The following CHCHD3 variants were observed in gnomAD, a reference collection of about 807,000 sequenced individuals.
CHCHD3 encodes the protein coiled-coil-helix-coiled-coil-helix domain containing 3.
CHCHD3 carries 20 observed loss-of-function variants against 38.2 expected under a neutral mutation model. That is an observed-to-expected ratio of 0.52 (90% CI 0.37 to 0.76). The LOEUF is 0.76. Ranked by LOEUF, CHCHD3 falls within the 30% of genes least tolerant of loss-of-function variation. The pLI is 0.00. For synonymous variants in CHCHD3, 82 were observed against 100.0 expected, an observed-to-expected ratio of 0.82 and a Z score of 1.07; for missense variants, 245 against 279.2, an observed-to-expected ratio of 0.88 and a Z score of 0.87.
At chr7:133,014,329 C>CA (rs35895641) in intron 3 of CHCHD3, among the ~76,000 whole-genome samples, 40,187 of 121,272 alleles carry the variant, frequency 0.33, 5,592 homozygotes, top group South Asian at 0.44. Flanking sequence ...GGGGATAACT[C>CA]AAAAAAAAAA....
chr7:133,023,782 G>T (rs569353981), intron 3 of CHCHD3, among the ~76,000 whole-genome samples: 12 of 151,948 alleles, frequency 7.9e-5, no homozygotes, highest in Admixed American at 7.9e-4. Context: ...TGGATAGCTC[G>T]TCAACATCTT....
At chr7:132,830,883 T>A (rs889072475) in intron 6 of CHCHD3, 2 of 152,170 alleles carry the variant, frequency 1.3e-5, no homozygotes, top group African/African-American at 2.4e-5. Flanking sequence ...TCTAGAATTT[T>A]GCCTCTTCAA....
intron 4 of CHCHD3, among the ~76,000 whole-genome samples, chr7:132,919,774 T>C (rs1810212224): frequency 6.6e-6 from 1 of 152,146 alleles, no homozygotes; most frequent in African/African-American, 2.4e-5. Context: ...ACTGTGCTCC[T>C]TGGGACCCAA....
At chr7:132,850,437 GGTTTTTTTTTTT>G (rs1562884923) in intron 5 of CHCHD3, among the ~76,000 whole-genome samples, 2 of 76,420 alleles carry the variant, frequency 2.6e-5, no homozygotes, top group East Asian at 5.3e-4. Flanking sequence ...TAGAGTCTCA[GGTTTTTTTTTTT>G]GTTTTTTTTT....
intron 4 of CHCHD3, among the ~76,000 whole-genome samples, chr7:132,955,486 T>A (rs191723784): frequency 3.9e-5 from 6 of 152,156 alleles, no homozygotes; most frequent in African/African-American, 1.4e-4. Flanking sequence ...TCCAGATGTT[T>A]GGTCAAACAC....
At chr7:132,869,821 G>A (rs1585589000) in intron 5 of CHCHD3, among the ~76,000 whole-genome samples, 1 of 151,908 alleles carries the variant, frequency 6.6e-6, no homozygotes, top group African/African-American at 2.4e-5. Context: ...TGGGCTCAGC[G>A]AGCCTCCTGC....
intron 7 of CHCHD3, among the ~76,000 whole-genome samples, 181 bp downstream of exon 7, chr7:132,796,260 CT>C (rs1469889005): frequency 3.3e-5 from 5 of 152,164 alleles, no homozygotes; most frequent in Non-Finnish European, 7.3e-5. Context: ...GATATGGGCT[CT>C]TTGACAATGA....
At chr7:132,928,525 C>T (rs1457638843) in intron 4 of CHCHD3, among the ~76,000 whole-genome samples, 2 of 151,888 alleles carry the variant, frequency 1.3e-5, no homozygotes, top group African/African-American at 4.8e-5. Context: ...AGTGAAACCC[C>T]ATCTCTACTA....
chr7:132,941,773 G>A (rs995936911), intron 4 of CHCHD3, among the ~76,000 whole-genome samples: 6 of 152,094 alleles, frequency 3.9e-5, no homozygotes, highest in South Asian at 2.1e-4. Flanking sequence ...AGCACAGGAC[G>A]GGATGGGAGA....
intron 2 of CHCHD3, among the ~76,000 whole-genome samples, chr7:133,044,877 G>C (rs1042556184): frequency 6.6e-6 from 1 of 152,246 alleles, no homozygotes; most frequent in Admixed American, 6.5e-5. Context: ...GAGGCTGACA[G>C]CAGGGCTGAG....
Position 133,077,451 on chromosome 7 carries a change from A to T in CHCHD3, c.81+4406T>A, listed in dbSNP as rs887431478. ...TTCCATATTAAGTATCCATACTGCC[A>T]TAACTGGCTCCTGTGAATTTCAGCT... On this transcript the variant is annotated intron_variant, in intron 1 of 7. Coordinates refer to ENST00000262570, the MANE Select transcript of CHCHD3 (RefSeq NM_017812.4). Among the ~76,000 whole-genome samples the T allele has an allele frequency of 4.6e-5, 7 of 152,242 alleles. 1 individual carries two copies. The highest frequency in any genetic ancestry group is 1.7e-4 in the African/African-American group (7 of 41,464).
intron 3 of CHCHD3, among the ~76,000 whole-genome samples, chr7:133,006,130 C>G (rs1177005614): frequency 6.6e-6 from 1 of 152,094 alleles, no homozygotes; most frequent in Non-Finnish European, 1.5e-5. Flanking sequence ...AGTACTAACA[C>G]AAAAAGACTA....
At chr7:132,923,990 C>T (rs972032889) in intron 4 of CHCHD3, among the ~76,000 whole-genome samples, 64 of 152,190 alleles carry the variant, frequency 4.2e-4, no homozygotes, top group African/African-American at 1.5e-3. Context: ...TTGTAGACAA[C>T]AGTAATAAAC....
chr7:132,911,435 C>T (rs1433974558), intron 4 of CHCHD3, among the ~76,000 whole-genome samples: 1 of 152,166 alleles, frequency 6.6e-6, no homozygotes, highest in Non-Finnish European at 1.5e-5. Context: ...TTCCCAGCAA[C>T]CACCAGAATG....
intron 4 of CHCHD3, chr7:132,972,393 G>T: frequency 6.0e-6 from 1 of 166,858 alleles, no homozygotes; most frequent in Non-Finnish European, 1.2e-5. Context: ...AAAATCAAAT[G>T]TTTTATACCA....
chr7:132,984,136 C>T (rs1231545813), intron 3 of CHCHD3, among the ~76,000 whole-genome samples: 2 of 151,716 alleles, frequency 1.3e-5, no homozygotes, highest in African/African-American at 2.4e-5. Flanking sequence ...TGTACTGCTG[C>T]CATCTCGGCT....
chr7:132,896,676 T>C (rs1240495861), intron 4 of CHCHD3, among the ~76,000 whole-genome samples: 2 of 152,202 alleles, frequency 1.3e-5, no homozygotes, highest in Non-Finnish European at 2.9e-5. Flanking sequence ...CTAATGACAA[T>C]GGCTTCAGCT....
At chr7:132,947,689 T>G (rs571780164) in intron 4 of CHCHD3, among the ~76,000 whole-genome samples, 35 of 152,110 alleles carry the variant, frequency 2.3e-4, no homozygotes, top group Non-Finnish European at 4.7e-4. Flanking sequence ...TTTGATAATG[T>G]TATAATAAGT....
intron 6 of CHCHD3, among the ~76,000 whole-genome samples, chr7:132,836,773 C>A (rs1033974846): frequency 6.6e-6 from 1 of 152,162 alleles, no homozygotes; most frequent in Non-Finnish European, 1.5e-5. Context: ...CCACAGCTGA[C>A]CTTATCTCAT....
Sources: gnomAD v4.1 joint callset for allele counts (sites outside exome capture counted in the v4.1 genomes callset) on GRCh38, gnomAD v4.1.1 for gene constraint, MANE v1.5 for transcripts, NCBI Gene and HGNC (gene_info 2026-07-23, HGNC 2026-07-21) for gene names.